PXDNL: variants seen among roughly 807,000 people sequenced by gnomAD.
The protein encoded by PXDNL is probable oxidoreductase PXDNL.
Under a neutral mutation model 150.8 loss-of-function variants are expected in PXDNL, and 145 were observed. That is an observed-to-expected ratio of 0.96 (90% confidence interval 0.84 to 1.10). The LOEUF (loss-of-function observed/expected upper bound fraction) is 1.10, where lower values mean the gene tolerates loss of function less well. Among genes scored for constraint, PXDNL ranks in the 50% least tolerant of loss-of-function variants. PXDNL has a pLI of 0.00. For synonymous variants in PXDNL, 757 were observed against 725.7 expected, an observed-to-expected ratio of 1.04 and a Z score of -0.69; for missense variants, 2,087 against 1,873.9, an observed-to-expected ratio of 1.11 and a Z score of -2.10.
intron 19 of PXDNL, among the ~76,000 whole-genome samples, chr8:51,353,330 C>T (rs1684427845): frequency 6.6e-6 from 1 of 151,440 alleles, no homozygotes; most frequent in Non-Finnish European, 1.5e-5. Flanking sequence ...ATTTATTTAG[C>T]TGTCTTTTCT....
At chr8:51,780,854 C>A (rs2037407838) in intron 1 of PXDNL, among the ~76,000 whole-genome samples, 1 of 151,670 alleles carries the variant, frequency 6.6e-6, no homozygotes, top group African/African-American at 2.4e-5. Flanking sequence ...GAGACAGGGT[C>A]TTGCCATGTT....
chr8:51,521,268 T>A (rs1811657531), intron 4 of PXDNL, among the ~76,000 whole-genome samples: 1 of 151,988 alleles, frequency 6.6e-6, no homozygotes, highest in African/African-American at 2.4e-5. Context: ...AAAAAGTCTT[T>A]ACTGGAAAAA....
intron 4 of PXDNL, among the ~76,000 whole-genome samples, chr8:51,539,169 G>T (rs1343799400): frequency 1.3e-5 from 2 of 152,004 alleles, no homozygotes; most frequent in Admixed American, 6.6e-5. Flanking sequence ...GAGGTTTTCT[G>T]TCATGAATGG....
intron 4 of PXDNL, among the ~76,000 whole-genome samples, chr8:51,512,571 T>A (rs1357144808): frequency 1.3e-5 from 2 of 152,352 alleles, no homozygotes; most frequent in Non-Finnish European, 2.9e-5. Context: ...ATCCTGCATG[T>A]AGGCTAGGAT....
At chr8:51,756,405 AAAGG>A (rs1356744743) in intron 1 of PXDNL, among the ~76,000 whole-genome samples, 42 of 151,538 alleles carry the variant, frequency 2.8e-4, no homozygotes, top group African/African-American at 9.0e-4. Flanking sequence ...AAAAAAAAAA[AAAGG>A]AAAGAAAGAG....
intron 1 of PXDNL, among the ~76,000 whole-genome samples, chr8:51,698,067 G>T (rs1407767290): frequency 6.6e-6 from 1 of 152,180 alleles, no homozygotes; most frequent in Non-Finnish European, 1.5e-5. Flanking sequence ...AATAAATTTT[G>T]CTGGTGGAGA....
intron 17 of PXDNL, among the ~76,000 whole-genome samples, chr8:51,376,741 C>T (rs1362728318): frequency 1.3e-5 from 2 of 149,066 alleles, no homozygotes; most frequent in Admixed American, 6.7e-5. Context: ...TTTTTTTATA[C>T]GGAGTCTTAC....
rs1476715701 is a variant in PXDNL, at chr8:51,457,562, C to A, written c.918G>T (p.Met306Ile). ...TGGCTTCCCCAGCGGAATTTCTGGC[C>A]ATGCACTGATAGACACCTTGGTCTG... ...RESDQGVYQC[M>I]ARNSAGEAKT... The change falls in exon 9 of 23, where the codon ATG becomes ATT. Residue 306 changes from methionine (M) to isoleucine (I), a missense_variant. Physicochemically the swap from Met to Ile is conservative, Grantham distance 10. Transcript: ENST00000356297. 2.5e-6 allele frequency: 4 copies of A among 1,613,684 alleles called. No homozygotes were observed. The highest frequency in any genetic ancestry group is 2.2e-5 in the East Asian group (1 of 44,870).
intron 2 of PXDNL, among the ~76,000 whole-genome samples, chr8:51,612,250 C>A (rs1229409023): frequency 6.6e-6 from 1 of 152,138 alleles, no homozygotes; most frequent in African/African-American, 2.4e-5. Context: ...TTCTGTAGGG[C>A]CTGCTTCCTT....
intron 1 of PXDNL, among the ~76,000 whole-genome samples, chr8:51,696,881 A>ACACACCGGTCCACG (rs1816160433): frequency 2.6e-4 from 1 of 3,862 alleles, no homozygotes; most frequent in African/African-American, 4.1e-4. Context: ...GTGCACACAC[A>ACACACCGGTCCACG]CATTCTACTC....
intron 19 of PXDNL, among the ~76,000 whole-genome samples, chr8:51,370,042 G>A (rs916922996): frequency 7.9e-5 from 12 of 152,272 alleles, no homozygotes; most frequent in South Asian, 2.1e-4. Flanking sequence ...GTGGCGGTGC[G>A]CACAGAGGAA....
intron 1 of PXDNL, among the ~76,000 whole-genome samples, chr8:51,755,281 A>G (rs1346627048): frequency 1.4e-5 from 2 of 141,040 alleles, no homozygotes; most frequent in Non-Finnish European, 3.1e-5. Flanking sequence ...ATTTATGATG[A>G]TGGAATAGAA....
chr8:51,497,130 G>C (rs10088451), intron 5 of PXDNL, among the ~76,000 whole-genome samples: 1 of 152,056 alleles, frequency 6.6e-6, no homozygotes, highest in South Asian at 2.1e-4. Context: ...AAATAATGCC[G>C]CATATCTACA....
intron 9 of PXDNL, among the ~76,000 whole-genome samples, chr8:51,454,586 G>C (rs1809885116): frequency 6.6e-6 from 1 of 152,056 alleles, no homozygotes; most frequent in South Asian, 2.1e-4. Context: ...GGAATCTCAA[G>C]CAAAAATTAA....
chr8:51,422,084 G>C (rs1459286730), intron 14 of PXDNL, among the ~76,000 whole-genome samples: 2 of 151,900 alleles, frequency 1.3e-5, no homozygotes, highest in African/African-American at 4.8e-5. Flanking sequence ...ACATGTGAGG[G>C]ATCTAGGTTG....
chr8:51,513,235 C>T (rs1811462507), intron 4 of PXDNL, among the ~76,000 whole-genome samples: 1 of 152,186 alleles, frequency 6.6e-6, no homozygotes, highest in African/African-American at 2.4e-5. Context: ...TGCTGCTCTC[C>T]AGATGAGGCT....
intron 4 of PXDNL, among the ~76,000 whole-genome samples, chr8:51,522,010 G>A (rs2130386873): frequency 6.6e-6 from 1 of 152,236 alleles, no homozygotes; most frequent in African/African-American, 2.4e-5. Context: ...TCTTCCGGCA[G>A]AAAGAAATGC....
chr8:51,744,965 A>AGGG (rs2036964919), intron 1 of PXDNL, among the ~76,000 whole-genome samples: 1 of 136,832 alleles, frequency 7.3e-6, no homozygotes, highest in South Asian at 2.3e-4. Context: ...AGAAAGAAAG[A>AGGG]AAGAAAGAAA....
chr8:51,683,335 G>A (rs1044001968), intron 1 of PXDNL, among the ~76,000 whole-genome samples: 3 of 150,718 alleles, frequency 2.0e-5, no homozygotes, highest in Non-Finnish European at 3.0e-5. Context: ...GACATTAAGC[G>A]ATTTTTCATC....
Sources: gnomAD v4.1 joint callset for allele counts (sites outside exome capture counted in the v4.1 genomes callset) on GRCh38, gnomAD v4.1.1 for gene constraint, MANE v1.5 for transcripts, NCBI Gene and HGNC (gene_info 2026-07-23, HGNC 2026-07-21) for gene names.